METTL8: variants seen among roughly 807,000 people sequenced by gnomAD.
METTL8 encodes the protein tRNA N(3)-cytidine methyltransferase METTL8, mitochondrial.
A neutral mutation model predicts 48.7 loss-of-function variants in METTL8; 32 were observed. The observed-to-expected ratio is 0.66, with a 90% confidence interval of 0.50 to 0.88. METTL8 has a LOEUF of 0.88. Among genes scored for constraint, METTL8 ranks in the 40% least tolerant of loss-of-function variants. The probability of loss-of-function intolerance (pLI) is 0.00; values close to 1 mark genes in which losing one functional copy is unlikely to be tolerated. For synonymous variants in METTL8, 136 were observed against 157.1 expected (o/e 0.87, Z 1.01); for missense variants, 464 against 474.4 (o/e 0.98, Z 0.20).
intron 6 of METTL8, among the ~76,000 whole-genome samples, 196 bp downstream of exon 6, chr2:171,331,608 G>A (rs1685540403): frequency 6.6e-6 from 1 of 151,554 alleles, no homozygotes; most frequent in Non-Finnish European, 1.5e-5. Context: ...GTAGAGACAG[G>A]GTTTCACCAT....
intron 3 of METTL8, among the ~76,000 whole-genome samples, chr2:171,355,820 C>A (rs985608810): frequency 3.9e-5 from 6 of 152,190 alleles, no homozygotes; most frequent in African/African-American, 1.4e-4. Context: ...GTTGGAAAAG[C>A]GCAGTATTAG....
chr2:171,339,790 G>A (rs1686515236), intron 3 of METTL8, among the ~76,000 whole-genome samples: 1 of 152,136 alleles, frequency 6.6e-6, no homozygotes, highest in Non-Finnish European at 1.5e-5. Flanking sequence ...CTGTGAATCT[G>A]CTTTTATCTT....
chr2:171,328,552 C>T (rs1238824474), intron 7 of METTL8, among the ~76,000 whole-genome samples: 1 of 152,124 alleles, frequency 6.6e-6, no homozygotes, highest in African/African-American at 2.4e-5. Flanking sequence ...TCACTGTCAC[C>T]CAGGCTAGAG....
chr2:171,357,239 G>A (rs555108495), intron 3 of METTL8, among the ~76,000 whole-genome samples: 86 of 152,180 alleles, frequency 5.7e-4, no homozygotes, highest in Middle Eastern at 3.4e-3. Flanking sequence ...GATTACAGGC[G>A]TAAGCCCCTG....
At position 171,360,415 on chromosome 2, in the gene METTL8, T is replaced by A; in HGVS notation, c.235+7A>T. The A allele has an allele frequency of 6.2e-7, 1 of 1,612,952 alleles. No homozygotes were observed. Among genetic ancestry groups the A allele is most frequent in the South Asian group, 1.1e-5 (1 of 90,964 alleles). On this transcript the variant is annotated splice_region_variant and intron_variant, in intron 3 of 9. Transcript: ENST00000375258. The stretch of plus-strand genomic sequence containing the variant: ...GGCTCTAGGAGCTACAGCACGCAGT[T>A]GACTACCTTGCTCTTCCAGAAGGAC...
In METTL8 at chr2:171,331,848, G is replaced by C. The variant is rs375267741; in HGVS notation, c.676C>G (p.Leu226Val). The change falls in exon 6 of 10, where the codon CTG (leucine) becomes GTG (valine). Residue 226 changes from leucine (L) to valine (V), a missense_variant. Transcript: ENST00000375258. The stretch of plus-strand genomic sequence containing the variant: ...CCAGAAGCAAAATCACAACAATACA[G>C]AAAGGACTCCGGAGAGTTCCTATGA... ...NTLENSPESF[L>V]YCCDFASGAV... 8 of 1,601,854 alleles carry C rather than the reference G, an allele frequency of 5.0e-6. No homozygotes were observed. Among genetic ancestry groups the C allele is most frequent in the Admixed American group, 1.7e-5 (1 of 58,258 alleles).
rs751545916 is a variant in METTL8 at position 171,325,950 on chromosome 2, T to TA, written c.968-45dup. 1,580 of 1,342,372 alleles carry TA rather than the reference T, an allele frequency of 1.2e-3. 2 individuals are homozygous for TA. The highest frequency in any genetic ancestry group is 1.5e-3 in the African/African-American group (102 of 67,968). 83.2% of individuals were successfully genotyped at this position (1,342,372 alleles called of 1,614,324 possible). On this transcript the variant is annotated intron_variant, in intron 8 of 9. Transcript: ENST00000375258. The stretch of plus-strand genomic sequence containing the variant: ...AGAGAAACTCTTAAGGGTATTCCTT[T>TA]AAAAAAAAACAACTAAATACTTTGA...
intron 1 of METTL8, among the ~76,000 whole-genome samples, chr2:171,417,752 AG>A (rs1456591920): frequency 1.3e-5 from 2 of 152,236 alleles, no homozygotes; most frequent in Admixed American, 6.5e-5. Flanking sequence ...CAGATAGTAC[AG>A]AGAGTTTCCA....
At chr2:171,359,850 C>A (rs1377958712) in intron 3 of METTL8, among the ~76,000 whole-genome samples, 1 of 152,246 alleles carries the variant, frequency 6.6e-6, no homozygotes, top group East Asian at 1.9e-4. Flanking sequence ...CTCGGCCACC[C>A]AAAGTGCTGG....
chr2:171,418,545 T>A (rs1010974327), intron 1 of METTL8, among the ~76,000 whole-genome samples: 13 of 152,334 alleles, frequency 8.5e-5, no homozygotes, highest in Middle Eastern at 6.8e-3. Flanking sequence ...ATTTATTCAA[T>A]CCTTTATTTA....
intron 1 of METTL8, among the ~76,000 whole-genome samples, chr2:171,416,103 C>T (rs1691289827): frequency 6.6e-6 from 1 of 152,214 alleles, no homozygotes; most frequent in Non-Finnish European, 1.5e-5. Flanking sequence ...TATGGCTGCT[C>T]TCTCTTTCCA....
intron 2 of METTL8, among the ~76,000 whole-genome samples, chr2:171,372,497 ATTATAC>A (rs1686464347): frequency 6.6e-6 from 1 of 151,836 alleles, no homozygotes; most frequent in East Asian, 1.9e-4. Flanking sequence ...TATTATTATT[ATTATAC>A]TTTAAGTTCT....
chr2:171,319,980 C>A lies in METTL8; in HGVS notation c.*4192G>T, dbSNP rs1186186853. On this transcript the variant is annotated 3_prime_UTR_variant, in exon 10 of 10. Transcript: ENST00000375258. ...ATGAATTTTTAAATATCAAACTCTG[C>A]CTAACCAACTGGTCCTAGCTTTATG... The A allele has an allele frequency of 6.6e-6, 1 of 152,042 alleles. No individual in the cohort carries two copies. Among genetic ancestry groups the A allele is most frequent in the Non-Finnish European group, 1.5e-5 (1 of 68,004 alleles). 9.4% of individuals were successfully genotyped at this position (152,042 alleles called of 1,614,324 possible). A position where few individuals can be genotyped will look rare whatever the true frequency, so the allele number is the denominator to read the frequency against.
intron 2 of METTL8, among the ~76,000 whole-genome samples, chr2:171,361,578 A>G (rs1413024839): frequency 6.6e-6 from 1 of 152,178 alleles, no homozygotes; most frequent in African/African-American, 2.4e-5. Flanking sequence ...TAAGCACATT[A>G]CATACATATG....
chr2:171,430,231 G>A (rs1448192764), intron 1 of METTL8, among the ~76,000 whole-genome samples: 4 of 151,710 alleles, frequency 2.6e-5, no homozygotes, highest in East Asian at 1.9e-4. Context: ...GGTGGTGTGC[G>A]CCTGTAATGC....
In METTL8 at chr2:171,317,181, C is replaced by T. The variant is rs1684302898; in HGVS notation, c.*6991G>A. 6.6e-6 allele frequency among the ~76,000 whole-genome samples: 1 copy of T among 152,168 alleles called. No homozygotes were observed. Among genetic ancestry groups the T allele is most frequent in the African/African-American group, 2.4e-5 (1 of 41,440 alleles). ...TAGTGCTTGCTTCCAGCGGAAAAGCCTTAAAAGCCCAAAGGGTGACTGTCC... is the reference window on the plus strand; with the variant it reads ...TAGTGCTTGCTTCCAGCGGAAAAGCTTTAAAAGCCCAAAGGGTGACTGTCC... On this transcript the variant is annotated 3_prime_UTR_variant, in exon 10 of 10. Coordinates refer to ENST00000375258, the MANE Select transcript of METTL8 (RefSeq NM_001321154.2).
chr2:171,341,519 G>A (rs554419523), intron 3 of METTL8, among the ~76,000 whole-genome samples: 13 of 151,124 alleles, frequency 8.6e-5, no homozygotes, highest in Admixed American at 5.9e-4. Flanking sequence ...GATTACAGGC[G>A]TGAGCTACTG....
intron 2 of METTL8, among the ~76,000 whole-genome samples, chr2:171,381,204 T>C (rs1687500375): frequency 6.6e-6 from 1 of 152,232 alleles, no homozygotes; most frequent in African/African-American, 2.4e-5. Context: ...GCTAGCCATA[T>C]GCAGAAAACT....
intron 5 of METTL8, among the ~76,000 whole-genome samples, chr2:171,333,090 T>C (rs981332334): frequency 7.0e-6 from 1 of 142,854 alleles, no homozygotes; most frequent in Admixed American, 7.3e-5. Context: ...ATACTCTTTT[T>C]TTTTCTTTTC....
Sources: allele counts gnomAD v4.1 joint callset (sites outside exome capture counted in the v4.1 genomes callset), GRCh38; gene constraint gnomAD v4.1.1; transcripts MANE v1.5; gene names NCBI Gene and HGNC (gene_info 2026-07-23, HGNC 2026-07-21).